Variants in ASIC1 observed in about 807,000 individuals in gnomAD.
ASIC1 encodes acid-sensing ion channel 1.
Under a neutral mutation model 63.4 loss-of-function variants are expected in ASIC1, and 21 were observed. That is an observed-to-expected ratio of 0.33 (90% confidence interval 0.23 to 0.48). The LOEUF is 0.48. Among genes scored for constraint, ASIC1 ranks in the 20% least tolerant of loss-of-function variants. ASIC1 has a pLI of 0.99. For synonymous variants in ASIC1, 258 were observed against 278.2 expected (o/e 0.93, Z 0.72); for missense variants, 478 against 695.5 (o/e 0.69, Z 3.52).
chr12:50,073,778 T>A (rs1351727880), intron 3 of ASIC1: 1 of 1,536,040 alleles, frequency 6.5e-7, no homozygotes, highest in African/African-American at 1.4e-5. Context: ...ATGGACTTGG[T>A]GGCCTTTGCC....
intron 9 of ASIC1, 47 bp from the exon 10 acceptor site, chr12:50,081,055 C>A (rs747051343): frequency 6.6e-7 from 1 of 1,516,352 alleles, no homozygotes; most frequent in East Asian, 2.4e-5. Context: ...CCTGCTGCCC[C>A]CACGATGTCC....
At chr12:50,069,209 TAC>T (rs58648018) in intron 3 of ASIC1, among the ~76,000 whole-genome samples, 40,409 of 151,596 alleles carry the variant, frequency 0.27, 6,022 homozygotes, top group Non-Finnish European at 0.35. Context: ...CACAAATATA[TAC>T]ACACACACAC....
Position 50,078,929 on chromosome 12 carries a change from G to A in ASIC1, c.1000G>A (p.Ala334Thr). 2 of 1,613,860 alleles carry A rather than the reference G, an allele frequency of 1.2e-6. No homozygotes were observed. Among genetic ancestry groups the A allele is most frequent in the Non-Finnish European group, 1.7e-6 (2 of 1,179,874 alleles). Residue 334 changes from alanine (A) to threonine (T), a missense_variant, in exon 7 of 12, where the codon GCC becomes ACC. By Grantham distance (58) the Ala-to-Thr change is moderately conservative. Transcript: ENST00000447966. The surrounding 1 kb of genome is among the most constrained non-coding windows in gnomAD (Gnocchi z 6.0). ...NCRMVHMPGD[A>T]PYCTPEQYKE... The stretch of plus-strand genomic sequence containing the variant: ...TTGTCTTTTCTCCTCTGTAGGGGAT[G>A]CCCCATACTGTACTCCAGAGCAGTA...
intron 3 of ASIC1, chr12:50,071,022 T>C (rs916032792): frequency 5.9e-5 from 9 of 152,354 alleles, no homozygotes; most frequent in Admixed American, 5.9e-4. Flanking sequence ...TCATTACTCA[T>C]AGCTGTAGGG....
intron 3 of ASIC1, among the ~76,000 whole-genome samples, chr12:50,069,125 G>A (rs570778707): frequency 6.6e-6 from 1 of 152,032 alleles, no homozygotes; most frequent in South Asian, 2.1e-4. Context: ...CCAGGCCTTT[G>A]CATACACTCA....
At chr12:50,067,686 T>C (rs1184319614) in intron 3 of ASIC1, among the ~76,000 whole-genome samples, 1 of 152,242 alleles carries the variant, frequency 6.6e-6, no homozygotes, top group East Asian at 1.9e-4. Context: ...CCCGGAGTGC[T>C]GGGATTACAG....
At chr12:50,079,843 G>T in intron 7 of ASIC1, 59 bp from the exon 8 acceptor site, 1 of 1,540,576 alleles carries the variant, frequency 6.5e-7, no homozygotes, top group Non-Finnish European at 8.8e-7. Flanking sequence ...ATGTGCATGT[G>T]GGAAGGTGCT....
In ASIC1 at chr12:50,081,750, T is replaced by G; in HGVS notation, c.*101T>G. On this transcript the variant is annotated 3_prime_UTR_variant, in exon 12 of 12. Coordinates refer to ENST00000447966, the MANE Select transcript of ASIC1 (RefSeq NM_001095.4). ...CATCTGCCCTGGGGACTCCCCACAC[T>G]CCGGGGCAGATCTTTCCTCTTGTCT... 1 of 1,034,126 alleles carries G rather than the reference T, an allele frequency of 9.7e-7. No individual in the cohort carries two copies. Among genetic ancestry groups the G allele is most frequent in the Non-Finnish European group, 1.4e-6 (1 of 697,694 alleles). 64.1% of individuals were successfully genotyped at this position (1,034,126 alleles called of 1,614,324 possible).
At chr12:50,071,981 C>T (rs941050785) in intron 3 of ASIC1, among the ~76,000 whole-genome samples, 3 of 152,180 alleles carry the variant, frequency 2.0e-5, no homozygotes, top group African/African-American at 7.2e-5. Context: ...AGTCTGAGGG[C>T]AGTGGCAGAA....
intron 1 of ASIC1, 67 bp from the exon 2 acceptor site, chr12:50,058,684 T>C: frequency 6.6e-7 from 1 of 1,508,512 alleles, no homozygotes. Flanking sequence ...GATGGGCACA[T>C]GTGGAGGGGC....
chr12:50,074,088 C>A lies in ASIC1; in HGVS notation c.559-3125C>A. 1.3e-6 allele frequency: 2 copies of A among 1,535,456 alleles called. No individual in the cohort carries two copies. Among genetic ancestry groups the A allele is most frequent in the Non-Finnish European group, 1.7e-6 (2 of 1,146,464 alleles). Reference sequence around the variant, plus strand: ...TGCTGGGACTGGATGAAAGTGATGACCCCGGGGTGCCCCTCGCTCCACCGG... The same window carrying A: ...TGCTGGGACTGGATGAAAGTGATGAACCCGGGGTGCCCCTCGCTCCACCGG... On this transcript the variant is annotated intron_variant, in intron 3 of 11. Coordinates refer to ENST00000447966, the MANE Select transcript of ASIC1 (RefSeq NM_001095.4). The surrounding 1 kb of genome is among the most constrained non-coding windows in gnomAD (Gnocchi z 4.2).
chr12:50,059,926 A>T lies in ASIC1; in HGVS notation c.530A>T (p.Glu177Val), dbSNP rs1290644678. The change falls in exon 3 of 12, where the codon GAG becomes GTG. Residue 177 changes from glutamate (E) to valine (V), a missense_variant. By Grantham distance (121) the Glu-to-Val change is moderately radical. Transcript: ENST00000447966. This position sits in a 1 kb window ranked among gnomAD's most constrained non-coding sequence, Gnocchi z 4.6. ...DMLLSCHFRG[E>V]VCSAEDFKVV... ...CTGCTCTCCTGCCACTTCCGGGGGG[A>T]GGTCTGCAGCGCTGAAGACTTCAAG... The T allele has an allele frequency of 5.6e-6, 9 of 1,613,564 alleles. No homozygotes were observed.
Position 50,081,705 on chromosome 12 carries a change from G to A in ASIC1, c.*56G>A. 6 of 1,556,040 alleles carry A rather than the reference G, an allele frequency of 3.9e-6. No homozygotes were observed. The highest frequency in any genetic ancestry group is 3.5e-6 in the Non-Finnish European group (4 of 1,143,120). Reference sequence around the variant, plus strand: ...ATGGGGAGGACTAGGAGAGCGAGGGGGCCCCCAGCTGCCTCCTCACATCTG... The same window carrying A: ...ATGGGGAGGACTAGGAGAGCGAGGGAGCCCCCAGCTGCCTCCTCACATCTG... On this transcript the variant is annotated 3_prime_UTR_variant, in exon 12 of 12. Transcript: ENST00000447966.
chr12:50,074,106 T>A lies in ASIC1; in HGVS notation c.559-3107T>A. ...GTGATGACCCCGGGGTGCCCCTCGC[T>A]CCACCGGGCCCTGAGGCCTTCTCTG... On this transcript the variant is annotated intron_variant, in intron 3 of 11. Transcript: ENST00000447966. This position sits in a 1 kb window ranked among gnomAD's most constrained non-coding sequence, Gnocchi z 4.2. 1 of 1,535,568 alleles carries A rather than the reference T, an allele frequency of 6.5e-7. No individual in the cohort carries two copies. The highest frequency in any genetic ancestry group is 1.2e-5 in the South Asian group (1 of 83,998).
chr12:50,078,110 G>T lies in ASIC1; in HGVS notation c.820G>T (p.Ala274Ser). 3.7e-6 allele frequency: 6 copies of T among 1,613,790 alleles called. No homozygotes were observed. The highest frequency in any genetic ancestry group is 5.1e-6 in the Non-Finnish European group (6 of 1,179,804). Residue 274 changes from alanine to serine, a missense_variant, in exon 5 of 12, where the codon GCC (alanine) becomes TCC (serine). Coordinates refer to ENST00000447966, the MANE Select transcript of ASIC1 (RefSeq NM_001095.4). The surrounding 1 kb of genome is among the most constrained non-coding windows in gnomAD (Gnocchi z 6.0). ...GGCCCCAGGCTTCCAGACCTTTGTG[G>T]CCTGCCAGGAGCAGCGGGTGAGAGG... ...GVAPGFQTFV[A>S]CQEQRLIYLP... is the part of the protein sequence containing the mutation.
chr12:50,073,658 G>T (rs2137834068), intron 3 of ASIC1: 10 of 1,536,280 alleles, frequency 6.5e-6, no homozygotes, highest in Non-Finnish European at 8.7e-6. Context: ...GGAGATATTT[G>T]GGGTCCCCAC....
chr12:50,078,182 G>C lies in ASIC1; in HGVS notation c.837+55G>C. The C allele has an allele frequency of 6.3e-7, 1 of 1,579,046 alleles. No individual in the cohort carries two copies. Among genetic ancestry groups the C allele is most frequent in the South Asian group, 1.2e-5 (1 of 85,114 alleles). On this transcript the variant is annotated intron_variant, in intron 5 of 11. Transcript: ENST00000447966. This position sits in a 1 kb window ranked among gnomAD's most constrained non-coding sequence, Gnocchi z 6.0. The stretch of plus-strand genomic sequence containing the variant: ...GGTGGGGTATTGAGGGGTCCAGATG[G>C]AGTGGTGGGCAATCAGTAATGGGAA...
Position 50,067,466 on chromosome 12 carries a change from G to A in ASIC1, c.558+7512G>A, listed in dbSNP as rs552843960. ...CTCTTGTTGCTCAGGCTGGAGTGCA[G>A]TGGCACCATCTCAGCTCACTGCAAC... On this transcript the variant is annotated intron_variant, in intron 3 of 11. Coordinates refer to ENST00000447966, the MANE Select transcript of ASIC1 (RefSeq NM_001095.4). Among the ~76,000 whole-genome samples, 19 of 148,284 alleles carry A rather than the reference G, an allele frequency of 1.3e-4. No homozygotes were observed. The East Asian group carries it at 3.8e-3, about 29-fold the overall frequency.
chr12:50,076,164 T>TCACTTGAGCCCAGGAGGCG (rs1950652966), intron 3 of ASIC1, among the ~76,000 whole-genome samples: 1 of 152,058 alleles, frequency 6.6e-6, no homozygotes, highest in Non-Finnish European at 1.5e-5. Flanking sequence ...AGGGGCTGAA[T>TCACTTGAGCCCAGGAGGCG]GAAACCAAAA....
Sources: allele counts gnomAD v4.1 joint callset (sites outside exome capture counted in the v4.1 genomes callset), GRCh38; gene constraint gnomAD v4.1.1; non-coding constraint Gnocchi (gnomAD v3.1); transcripts MANE v1.5; gene names NCBI Gene and HGNC (gene_info 2026-07-23, HGNC 2026-07-21).